The following ZNF521 variants were observed in gnomAD, a reference collection of about 807,000 sequenced individuals.
The protein encoded by ZNF521 is zinc finger protein 521, also known as LYST-interacting protein 3.
In ZNF521, 14 loss-of-function variants were observed where a neutral mutation model predicts 105.5. The observed-to-expected ratio is 0.13, with a 90% CI of 0.09 to 0.21. ZNF521 has a LOEUF of 0.21. Ranked by LOEUF, ZNF521 falls within the 10% of genes least tolerant of loss-of-function variation. The pLI is 1.00. For missense variants in ZNF521, 1,233 were observed against 1,629.7 expected, an observed-to-expected ratio of 0.76 and a Z score of 4.19; for synonymous variants, 635 against 606.0, an observed-to-expected ratio of 1.05 and a Z score of -0.70.
chr18:25,308,276 C>T (rs186137484), intron 3 of ZNF521, among the ~76,000 whole-genome samples: 77 of 151,218 alleles, frequency 5.1e-4, no homozygotes, highest in African/African-American at 1.7e-3. Flanking sequence ...TGATTGACAC[C>T]TTGATGGCAA....
intron 5 of ZNF521, 59 bp from the exon 6 acceptor site, chr18:25,092,140 A>G: frequency 6.3e-7 from 1 of 1,595,888 alleles, no homozygotes; most frequent in South Asian, 1.1e-5. Context: ...TTAATACACT[A>G]GAGAGTTATC....
Position 25,348,637 on chromosome 18 carries a change from T to C in ZNF521, c.40+2270A>G, listed in dbSNP as rs1598498183. 2.0e-5 allele frequency among the ~76,000 whole-genome samples: 3 copies of C among 152,176 alleles called. No individual in the cohort carries two copies. In the South Asian group the frequency reaches 6.2e-4, roughly 32 times the overall value. The stretch of plus-strand genomic sequence containing the variant: ...CACTGTGTTCCGCGCCCACACAGAA[T>C]ATGGAAGCTAAATCTTTGTTTTTAG... On this transcript the variant is annotated intron_variant, in intron 2 of 7. Transcript: ENST00000361524.
intron 3 of ZNF521, among the ~76,000 whole-genome samples, chr18:25,288,354 A>C (rs1457812667): frequency 6.6e-6 from 1 of 152,204 alleles, no homozygotes; most frequent in African/African-American, 2.4e-5. Context: ...AGAATATGAC[A>C]GTAGTCATTT....
intron 5 of ZNF521, among the ~76,000 whole-genome samples, chr18:25,144,167 T>G (rs2034901637): frequency 6.6e-6 from 1 of 152,200 alleles, no homozygotes; most frequent in South Asian, 2.1e-4. Context: ...ACCAGCAAGC[T>G]GCCTTCACAG....
chr18:25,155,200 T>C lies in ZNF521; in HGVS notation c.3658+39960A>G, dbSNP rs181878561. 3.5e-3 allele frequency among the ~76,000 whole-genome samples: 537 copies of C among 152,302 alleles called. 3 individuals are homozygous for C. Among genetic ancestry groups the C allele is most frequent in the African/African-American group, 0.012 (514 of 41,584 alleles). Reference sequence around the variant, plus strand: ...TTATATCATATTTGGGGAAGTTTACTTCAAGTCCTGTCATCTATTCAAGTT... The same window carrying C: ...TTATATCATATTTGGGGAAGTTTACCTCAAGTCCTGTCATCTATTCAAGTT... On this transcript the variant is annotated intron_variant, in intron 5 of 7. Transcript: ENST00000361524.
chr18:25,121,255 GCCT>G (rs1391292460), intron 5 of ZNF521, among the ~76,000 whole-genome samples: 1 of 144,090 alleles, frequency 6.9e-6, no homozygotes, highest in East Asian at 2.0e-4. Context: ...ACCGCGCCCA[GCCT>G]TCTTCTTCTT....
intron 5 of ZNF521, among the ~76,000 whole-genome samples, chr18:25,175,108 T>C (rs1600119744): frequency 6.6e-6 from 1 of 152,318 alleles, no homozygotes; most frequent in East Asian, 1.9e-4. Flanking sequence ...ATCTGAGGAA[T>C]ACAGAAGTGA....
intron 5 of ZNF521, among the ~76,000 whole-genome samples, chr18:25,180,195 T>C (rs1375996438): frequency 6.6e-6 from 1 of 152,224 alleles, no homozygotes; most frequent in East Asian, 1.9e-4. Flanking sequence ...TTTTAGCTAA[T>C]GTATCCTTAT....
At chr18:25,286,982 AC>A (rs1460099227) in intron 3 of ZNF521, among the ~76,000 whole-genome samples, 1 of 152,180 alleles carries the variant, frequency 6.6e-6, no homozygotes, top group African/African-American at 2.4e-5. Context: ...ATCAGTGAAT[AC>A]TCCAAAAGAA....
intron 4 of ZNF521, among the ~76,000 whole-genome samples, chr18:25,204,602 CTTTTT>C (rs1422870252): frequency 6.6e-6 from 1 of 152,068 alleles, no homozygotes; most frequent in Non-Finnish European, 1.5e-5. Context: ...AACAAATAAT[CTTTTT>C]TAAGTTCAAA....
chr18:25,080,839 C>T (rs1045274876), intron 7 of ZNF521, among the ~76,000 whole-genome samples: 8 of 152,204 alleles, frequency 5.3e-5, no homozygotes, highest in African/African-American at 1.9e-4. Context: ...GAAACTGATC[C>T]ATGTGTGGTG....
chr18:25,313,858 C>T (rs994852510), intron 3 of ZNF521, among the ~76,000 whole-genome samples: 5 of 151,868 alleles, frequency 3.3e-5, no homozygotes, highest in African/African-American at 1.2e-4. Flanking sequence ...CTATGGAGGC[C>T]ATGAAACTGC....
At chr18:25,282,761 T>C (rs557763803) in intron 3 of ZNF521, among the ~76,000 whole-genome samples, 18 of 151,880 alleles carry the variant, frequency 1.2e-4, no homozygotes, top group African/African-American at 2.4e-4. Flanking sequence ...TGCTTTTTTT[T>C]CCCCCCTTTA....
chr18:25,101,007 T>G (rs1212862197), intron 5 of ZNF521, among the ~76,000 whole-genome samples: 1 of 152,222 alleles, frequency 6.6e-6, no homozygotes, highest in African/African-American at 2.4e-5. Context: ...CACATGCAGC[T>G]GTGGGGTCAT....
chr18:25,342,937 T>C (rs566886355), intron 2 of ZNF521, among the ~76,000 whole-genome samples: 2 of 152,316 alleles, frequency 1.3e-5, no homozygotes, highest in South Asian at 4.1e-4. Context: ...TAAGAACACG[T>C]ATGAAATGCT....
chr18:25,224,930 A>G lies in ZNF521; in HGVS notation c.2988T>C (p.Pro996=). 1 of 1,613,974 alleles carries G rather than the reference A, an allele frequency of 6.2e-7. No individual in the cohort carries two copies. Among genetic ancestry groups the G allele is most frequent in the Non-Finnish European group, 8.5e-7 (1 of 1,180,014 alleles). Residue 996 remains proline, a synonymous_variant, in exon 4 of 8, where the codon CCT becomes CCC. Transcript: ENST00000361524. The part of the protein sequence containing the change: ...DTGNCRICKM[P]LQSEEEFLEH... ...CTAAAAACTCCTCTTCACTCTGGAG[A>G]GGCATCTTGCAAATCCGGCAGTTTC...
chr18:25,154,436 TG>T (rs2144499366), intron 5 of ZNF521, among the ~76,000 whole-genome samples: 1 of 152,274 alleles, frequency 6.6e-6, no homozygotes, highest in East Asian at 1.9e-4. Context: ...CTAGCTCTGA[TG>T]GGATGGTTCT....
At chr18:25,285,527 A>T (rs1354391623) in intron 3 of ZNF521, among the ~76,000 whole-genome samples, 1 of 152,122 alleles carries the variant, frequency 6.6e-6, no homozygotes, top group African/African-American at 2.4e-5. Context: ...CTTCATCTCT[A>T]CCTGAAGCAC....
intron 3 of ZNF521, among the ~76,000 whole-genome samples, chr18:25,285,075 A>C (rs1910622598): frequency 6.6e-6 from 1 of 152,030 alleles, no homozygotes; most frequent in Admixed American, 6.6e-5. Flanking sequence ...AAAAAAAAAA[A>C]AACACTTCAA....
Sources: allele counts gnomAD v4.1 joint callset (sites outside exome capture counted in the v4.1 genomes callset), GRCh38; gene constraint gnomAD v4.1.1; transcripts MANE v1.5; gene names NCBI Gene and HGNC (gene_info 2026-07-23, HGNC 2026-07-21).